Variants in VAC14 observed in about 807,000 individuals in gnomAD.
VAC14 encodes protein VAC14 homolog.
In VAC14, 47 loss-of-function variants were observed where a neutral mutation model predicts 85.3. The ratio of observed to expected loss-of-function variants is 0.55; its 90% confidence interval spans 0.44 to 0.70. The LOEUF is 0.70. VAC14 is among the 30% of genes least tolerant of loss of function. The probability of loss-of-function intolerance (pLI) is 0.00; values close to 1 mark genes in which losing one functional copy is unlikely to be tolerated. For synonymous variants in VAC14, 447 were observed against 430.5 expected (o/e 1.04, Z -0.47); for missense variants, 861 against 1,004.3 (o/e 0.86, Z 1.93).
chr16:70,759,951 G>A (rs561740372), intron 12 of VAC14, among the ~76,000 whole-genome samples: 13 of 152,266 alleles, frequency 8.5e-5, no homozygotes, highest in African/African-American at 3.1e-4. Context: ...TCAGGCCATA[G>A]TTTTTAGAAA....
chr16:70,691,394 C>T (rs1324221336), intron 18 of VAC14: 1 of 985,340 alleles, frequency 1.0e-6, no homozygotes, highest in Non-Finnish European at 1.2e-6. Context: ...CCAGGTTGAC[C>T]CTAACACTAT....
chr16:70,687,893 G>C lies in VAC14; in HGVS notation c.*35C>G, dbSNP rs545061738. 14 of 1,463,856 alleles carry C rather than the reference G, an allele frequency of 9.6e-6. No individual in the cohort carries two copies. In the South Asian group the frequency reaches 1.6e-4, roughly 16 times the overall value. The allele number at this position is 1,463,856 out of a possible 1,614,324, so 90.7% of individuals were successfully genotyped here. ...CGTGACGACCCTTAGTGTTTCATGG[G>C]ACCACTCGGTGGGCCCTCCTCCGTG... On this transcript the variant is annotated 3_prime_UTR_variant, in exon 19 of 19. Transcript: ENST00000261776.
chr16:70,754,135 C>A lies in VAC14; in HGVS notation c.1371+8405G>T, dbSNP rs545757266. The stretch of plus-strand genomic sequence containing the variant: ...GAGGTAAATACTCAAACCCTCCTGG[C>A]ACACAGTCCTGTCTTCCCTGCAAGG... On this transcript the variant is annotated intron_variant, in intron 12 of 18. Coordinates refer to ENST00000261776, the MANE Select transcript of VAC14 (RefSeq NM_018052.5). Among the ~76,000 whole-genome samples the A allele has an allele frequency of 2.6e-5, 4 of 152,326 alleles. No homozygotes were observed. In the East Asian group the frequency reaches 7.7e-4, roughly 29 times the overall value.
intron 1 of VAC14, among the ~76,000 whole-genome samples, chr16:70,788,133 G>A (rs2034155260): frequency 6.6e-6 from 1 of 152,240 alleles, no homozygotes; most frequent in African/African-American, 2.4e-5. Context: ...TCCAAAAGGT[G>A]TCCATTAGTC....
Position 70,762,612 on chromosome 16 carries a change from G to A in VAC14, c.1306-7C>T, listed in dbSNP as rs2305689. On this transcript the variant is annotated splice_polypyrimidine_tract_variant and splice_region_variant and intron_variant, in intron 11 of 18. Coordinates refer to ENST00000261776, the MANE Select transcript of VAC14 (RefSeq NM_018052.5). The surrounding 1 kb of genome is among the most constrained non-coding windows in gnomAD (Gnocchi z 4.1). Reference sequence around the variant, plus strand: ...TGTCCGTGTGCCGGAACATCTGGAGGGCAGAGAAGCAGGGGTGCCCGTGAG... The same window carrying A: ...TGTCCGTGTGCCGGAACATCTGGAGAGCAGAGAAGCAGGGGTGCCCGTGAG... 1,031,425 of 1,611,754 alleles carry A rather than the reference G, an allele frequency of 0.64. 332,612 individuals are homozygous for A. Among genetic ancestry groups the A allele is most frequent in the Admixed American group, 0.78 (46,720 of 59,838 alleles).
intron 14 of VAC14, among the ~76,000 whole-genome samples, chr16:70,717,533 G>A (rs2054192846): frequency 6.6e-6 from 1 of 152,266 alleles, no homozygotes; most frequent in African/African-American, 2.4e-5. Flanking sequence ...CTGTAAGGGT[G>A]AGAATTGGTT....
chr16:70,764,851 G>T (rs1235570124), intron 10 of VAC14, among the ~76,000 whole-genome samples: 2 of 152,196 alleles, frequency 1.3e-5, no homozygotes, highest in Non-Finnish European at 2.9e-5. Context: ...GACTTTCTGA[G>T]TGTTTCCTTG....
Position 70,697,167 on chromosome 16 carries a change from G to C in VAC14, c.1927C>G (p.Arg643Gly). 6.2e-7 allele frequency: 1 copy of C among 1,613,848 alleles called. No homozygotes were observed. Among genetic ancestry groups the C allele is most frequent in the Non-Finnish European group, 8.5e-7 (1 of 1,179,846 alleles). The change falls in exon 16 of 19, where the codon CGG becomes GGG. Residue 643 changes from arginine (R) to glycine (G), a missense_variant. Coordinates refer to ENST00000261776, the MANE Select transcript of VAC14 (RefSeq NM_018052.5). ...TTCTGGATGAGGTCATAGGCGTGCC[G>C]GTAGTTCTGGGTGAGGAAGCAGAGG... Reference protein sequence around the residue: ...VSLCFLTQNYRHAYDLIQKFG... With the variant: ...VSLCFLTQNYGHAYDLIQKFG...
chr16:70,701,175 C>T (rs77569136), intron 14 of VAC14, among the ~76,000 whole-genome samples: 6,289 of 152,276 alleles, frequency 0.041, 372 homozygotes, highest in African/African-American at 0.13. Flanking sequence ...GTAGCCCTTC[C>T]GCTCTTCTCT....
intron 9 of VAC14, chr16:70,772,698 C>G (rs1268432597): frequency 1.3e-5 from 2 of 152,576 alleles, no homozygotes; most frequent in African/African-American, 4.8e-5. Context: ...ATAGTCACCA[C>G]ATGACTCAGC....
At position 70,762,526 on chromosome 16, in the gene VAC14, C is replaced by T. The variant is rs371465934; in HGVS notation, c.1371+14G>A. On this transcript the variant is annotated intron_variant, in intron 12 of 18. Coordinates refer to ENST00000261776, the MANE Select transcript of VAC14 (RefSeq NM_018052.5). This position sits in a 1 kb window ranked among gnomAD's most constrained non-coding sequence, Gnocchi z 4.1. ...GCCGATGTTCCATAAGTACGGGTGG[C>T]GTTGGTGACCTACCTCATCCGATTC... 12 of 1,613,548 alleles carry T rather than the reference C, an allele frequency of 7.4e-6. No individual in the cohort carries two copies. Among genetic ancestry groups the T allele is most frequent in the East Asian group, 2.2e-5 (1 of 44,888 alleles).
intron 15 of VAC14, 64 bp from the exon 16 acceptor site, chr16:70,697,321 G>A (rs1422023884): frequency 2.9e-6 from 4 of 1,384,398 alleles, no homozygotes; most frequent in Non-Finnish European, 4.1e-6. Flanking sequence ...CGGTCCACGT[G>A]GGGACCTGAG....
chr16:70,784,884 G>C (rs767084695), intron 3 of VAC14, 46 bp from the exon 4 acceptor site: 1 of 1,557,728 alleles, frequency 6.4e-7, no homozygotes, highest in Admixed American at 1.7e-5. Context: ...CGAGGGTCAC[G>C]GTTGGATGCA....
At chr16:70,718,684 C>A (rs1426074435) in intron 14 of VAC14, among the ~76,000 whole-genome samples, 1 of 152,094 alleles carries the variant, frequency 6.6e-6, no homozygotes, top group Non-Finnish European at 1.5e-5. Flanking sequence ...TGACCCCTTT[C>A]CTTAGGTGTG....
At chr16:70,781,791 GCCCCCAGTGCA>G in intron 8 of VAC14, 67 bp downstream of exon 8, 29 of 1,555,046 alleles carry the variant, frequency 1.9e-5, no homozygotes, top group Non-Finnish European at 2.4e-5. Flanking sequence ...AGAGCCCCCA[GCCCCCAGTGCA>G]GGGTCCCTCA....
At chr16:70,731,650 A>G in intron 13 of VAC14, 23 bp from the exon 14 acceptor site, 1 of 1,612,126 alleles carries the variant, frequency 6.2e-7, no homozygotes, top group Non-Finnish European at 8.5e-7. Context: ...GGATAGAGCC[A>G]GCATTTATTC....
chr16:70,751,490 G>A (rs1041815055), intron 12 of VAC14, among the ~76,000 whole-genome samples: 5 of 152,362 alleles, frequency 3.3e-5, no homozygotes, highest in African/African-American at 1.2e-4. Context: ...GAGCTGATGT[G>A]AAGTACACAG....
chr16:70,766,640 C>T (rs760079680), intron 10 of VAC14: 15 of 393,506 alleles, frequency 3.8e-5, no homozygotes, highest in Middle Eastern at 4.4e-4. Flanking sequence ...AGGCCATGTA[C>T]CAAGCAGTCA....
chr16:70,758,636 G>A (rs1397954247), intron 12 of VAC14, among the ~76,000 whole-genome samples: 2 of 152,202 alleles, frequency 1.3e-5, no homozygotes, highest in Admixed American at 6.5e-5. Flanking sequence ...AACTCACTCA[G>A]GCAGCATGGC....
Sources: allele counts gnomAD v4.1 joint callset (sites outside exome capture counted in the v4.1 genomes callset), GRCh38; gene constraint gnomAD v4.1.1; non-coding constraint Gnocchi (gnomAD v3.1); transcripts MANE v1.5; gene names NCBI Gene and HGNC (gene_info 2026-07-23, HGNC 2026-07-21).